The following KCTD5 variants were observed in gnomAD, a reference collection of about 807,000 sequenced individuals.
KCTD5 encodes potassium channel tetramerization domain containing 5.
Under a neutral mutation model 27.9 loss-of-function variants are expected in KCTD5, and 12 were observed. The ratio of observed to expected loss-of-function variants is 0.43; its 90% CI spans 0.28 to 0.70. The LOEUF (loss-of-function observed/expected upper bound fraction) is 0.70. Ranked by LOEUF, KCTD5 falls within the 30% of genes least tolerant of loss-of-function variation. KCTD5 has a pLI of 0.19. For missense variants in KCTD5, 226 were observed against 274.8 expected, an observed-to-expected ratio of 0.82 and a Z score of 1.26; for synonymous variants, 147 against 121.4, an observed-to-expected ratio of 1.21 and a Z score of -1.39.
intron 1 of KCTD5, among the ~76,000 whole-genome samples, chr16:2,688,113 G>A (rs1213188915): frequency 6.6e-6 from 1 of 151,760 alleles, no homozygotes; most frequent in Non-Finnish European, 1.5e-5. Flanking sequence ...GATGACAAAT[G>A]TGATGCCCCC....
At chr16:2,691,333 G>C (rs531916324) in intron 1 of KCTD5, among the ~76,000 whole-genome samples, 1 of 152,356 alleles carries the variant, frequency 6.6e-6, no homozygotes, top group South Asian at 2.1e-4. Flanking sequence ...CCACCAGTTA[G>C]AAGGAACCCA....
At position 2,688,404 on chromosome 16, in the gene KCTD5, C is replaced by T. The variant is rs551798924; in HGVS notation, c.252+5604C>T. ...TAGCTGGGATTACAGGCACGAGCCA[C>T]CATGTCTGGCTGATTTTTGTATAGT... On this transcript the variant is annotated intron_variant, in intron 1 of 5. Coordinates refer to ENST00000301738, the MANE Select transcript of KCTD5 (RefSeq NM_018992.4). 1.4e-4 allele frequency among the ~76,000 whole-genome samples: 22 copies of T among 151,896 alleles called. No individual in the cohort carries two copies. The South Asian group carries it at 1.9e-3, about 13-fold the overall frequency.
intron 2 of KCTD5, 69 bp from the exon 3 acceptor site, chr16:2,697,837 T>G: frequency 5.5e-6 from 6 of 1,086,902 alleles, no homozygotes; most frequent in East Asian, 2.4e-5. Flanking sequence ...AGGGCAGGGG[T>G]GGGTGTAAAG....
At position 2,708,455 on chromosome 16, in the gene KCTD5, C is replaced by G. The variant is rs1567197592; in HGVS notation, c.*1128C>G. On this transcript the variant is annotated 3_prime_UTR_variant, in exon 6 of 6. Coordinates refer to ENST00000301738, the MANE Select transcript of KCTD5 (RefSeq NM_018992.4). ...GCTGGCTGTGGGGACCTGTCAGAGT[C>G]TGGGGACTCGGCGTGCAGGGCGGGC... 1 of 152,492 alleles carries G rather than the reference C, an allele frequency of 6.6e-6. No homozygotes were observed. Among genetic ancestry groups the G allele is most frequent in the Non-Finnish European group, 1.5e-5 (1 of 68,074 alleles). 9.4% of individuals were successfully genotyped at this position (152,492 alleles called of 1,614,324 possible).
rs374248087 is a variant in KCTD5 at position 2,682,609 on chromosome 16, G to A, written c.61G>A (p.Gly21Arg). The A allele has an allele frequency of 1.3e-5, 20 of 1,524,444 alleles. No individual in the cohort carries two copies. In the African/African-American group the frequency reaches 2.7e-4, roughly 21 times the overall value. The allele number at this position is 1,524,444 out of a possible 1,614,324, so 94.4% of individuals were successfully genotyped here. ...CCGGGGCGGCATCGGGGCGGGGCTG[G>A]GGGGCGGCCTGTGCCGCCGCTGCAG... ...PARGGIGAGL[G>R]GGLCRRCSAG... The change falls in exon 1 of 6, where the codon GGG (glycine) becomes AGG (arginine). Residue 21 changes from glycine to arginine, a missense_variant. Gly to Arg is a moderately radical substitution (Grantham distance 125). Coordinates refer to ENST00000301738, the MANE Select transcript of KCTD5 (RefSeq NM_018992.4).
chr16:2,703,663 C>T lies in KCTD5; in HGVS notation c.675+1185C>T, dbSNP rs548902841. Among the ~76,000 whole-genome samples, 28 of 152,354 alleles carry T rather than the reference C, an allele frequency of 1.8e-4. No individual in the cohort carries two copies. The South Asian group carries it at 5.8e-3, about 32-fold the overall frequency. On this transcript the variant is annotated intron_variant, in intron 5 of 5. Coordinates refer to ENST00000301738, the MANE Select transcript of KCTD5 (RefSeq NM_018992.4). ...CTGCGGCCAGCTCACGGCAGCCTTTCCACCTCAGGCGACTGTCCTGGCCCA... is the reference window on the plus strand; with the variant it reads ...CTGCGGCCAGCTCACGGCAGCCTTTTCACCTCAGGCGACTGTCCTGGCCCA...
At chr16:2,703,321 AGAGCTCTTG>A (rs2067620965) in intron 5 of KCTD5, among the ~76,000 whole-genome samples, 2 of 152,026 alleles carry the variant, frequency 1.3e-5, no homozygotes, top group South Asian at 4.1e-4. Flanking sequence ...TGGTGGCTGG[AGAGCTCTTG>A]GCTGGGGTCT....
intron 1 of KCTD5, among the ~76,000 whole-genome samples, chr16:2,688,224 AATAAATAT>A (rs1287189087): frequency 1.3e-5 from 1 of 79,650 alleles, no homozygotes; most frequent in Admixed American, 1.6e-4. Flanking sequence ...TAAATAAATA[AATAAATAT>A]ATATATATAT....
At chr16:2,685,234 T>C (rs1312605809) in intron 1 of KCTD5, among the ~76,000 whole-genome samples, 2 of 151,620 alleles carry the variant, frequency 1.3e-5, no homozygotes, top group Admixed American at 1.3e-4. Flanking sequence ...GAGAGCAGCC[T>C]GGCCAGCATG....
At chr16:2,693,444 C>T (rs1044704832) in intron 1 of KCTD5, among the ~76,000 whole-genome samples, 9 of 152,206 alleles carry the variant, frequency 5.9e-5, no homozygotes, top group South Asian at 4.1e-4. Context: ...AAGCCAGCCC[C>T]GCCCAGTGGT....
At chr16:2,698,534 C>G (rs1200011897) in intron 3 of KCTD5, among the ~76,000 whole-genome samples, 3 of 152,238 alleles carry the variant, frequency 2.0e-5, no homozygotes, top group Non-Finnish European at 4.4e-5. Context: ...CCCAGTACCT[C>G]CTGTGGAGGG....
chr16:2,697,585 C>T (rs904405615), intron 2 of KCTD5, among the ~76,000 whole-genome samples: 5 of 152,226 alleles, frequency 3.3e-5, no homozygotes, highest in Admixed American at 6.5e-5. Context: ...CGTAGACATA[C>T]GCTGAGCTGC....
chr16:2,691,354 C>T (rs571583274), intron 1 of KCTD5, among the ~76,000 whole-genome samples: 2 of 152,352 alleles, frequency 1.3e-5, no homozygotes, highest in East Asian at 1.9e-4. Context: ...TGGGAAGAAA[C>T]GGCCGGAGAG....
intron 1 of KCTD5, among the ~76,000 whole-genome samples, chr16:2,687,220 G>A (rs929062354): frequency 2.0e-5 from 3 of 152,174 alleles, no homozygotes; most frequent in Non-Finnish European, 2.9e-5. Context: ...AAAAGGACTC[G>A]ACTCTGGTGA....
chr16:2,707,406 C>A lies in KCTD5; in HGVS notation c.*79C>A. On this transcript the variant is annotated 3_prime_UTR_variant, in exon 6 of 6. Transcript: ENST00000301738. ...GAACTGCCATGTCCAGGAAGCTTGG[C>A]TGTGAGAAGAAACCTGCTTTTGATC... is the stretch of plus-strand genomic sequence containing the variant. The A allele has an allele frequency of 7.0e-7, 1 of 1,430,912 alleles. No homozygotes were observed. The highest frequency in any genetic ancestry group is 9.9e-7 in the Non-Finnish European group (1 of 1,012,974). The allele number at this position is 1,430,912 out of a possible 1,614,324, so 88.6% of individuals were successfully genotyped here.
At position 2,704,210 on chromosome 16, in the gene KCTD5, C is replaced by T. The variant is rs182199250; in HGVS notation, c.675+1732C>T. Among the ~76,000 whole-genome samples, 14 of 152,326 alleles carry T rather than the reference C, an allele frequency of 9.2e-5. No homozygotes were observed. In the East Asian group the frequency reaches 2.7e-3, roughly 29 times the overall value. On this transcript the variant is annotated intron_variant, in intron 5 of 5. Transcript: ENST00000301738. ...TGATGGGGGTGGTGTCAGCAGTGCC[C>T]CAGGAGGCAGAGCTCAGGCCAGAGC...
At chr16:2,702,514 T>G in intron 5 of KCTD5, 36 bp downstream of exon 5, 5 of 1,606,352 alleles carry the variant, frequency 3.1e-6, no homozygotes, top group Non-Finnish European at 3.4e-6. Flanking sequence ...GGGGCAGTCT[T>G]GGGTGGGGAA....
In KCTD5 at chr16:2,682,558, A is replaced by G. The variant is rs756854147; in HGVS notation, c.10A>G (p.Asn4Asp). The stretch of plus-strand genomic sequence containing the variant: ...GGGGCTTGCTGGGATCATGGCGGAG[A>G]ATCACTGCGAGCTCCTGTCGCCGGC... MAE[N>D]HCELLSPARG... Residue 4 changes from asparagine to aspartate, a missense_variant, in exon 1 of 6, where the codon AAT (asparagine) becomes GAT (aspartate). Physicochemically the swap from Asn to Asp is conservative, Grantham distance 23. Around this residue, in one of 2 missense-constraint regions of KCTD5, gnomAD observed 91 missense variants for 67.8 expected, o/e 1.34. Coordinates refer to ENST00000301738, the MANE Select transcript of KCTD5 (RefSeq NM_018992.4). 15 of 1,408,380 alleles carry G rather than the reference A, an allele frequency of 1.1e-5. No individual in the cohort carries two copies. The highest frequency in any genetic ancestry group is 7.5e-5 in the African/African-American group (5 of 66,754). 87.2% of individuals were successfully genotyped at this position (1,408,380 alleles called of 1,614,324 possible).
Position 2,693,278 on chromosome 16 carries a change from C to T in KCTD5, c.253-2657C>T, listed in dbSNP as rs1262112451. 2.6e-5 allele frequency among the ~76,000 whole-genome samples: 4 copies of T among 152,242 alleles called. No homozygotes were observed. In the South Asian group the frequency reaches 6.2e-4, roughly 24 times the overall value. ...TCTGTTCGCCTCCTCCCTGTTCCCT[C>T]CCTGCAGCGGCAGGTATCACGTGAT... On this transcript the variant is annotated intron_variant, in intron 1 of 5. Coordinates refer to ENST00000301738, the MANE Select transcript of KCTD5 (RefSeq NM_018992.4).
Sources: allele counts gnomAD v4.1 joint callset (sites outside exome capture counted in the v4.1 genomes callset), GRCh38; gene constraint gnomAD v4.1.1; regional missense constraint gnomAD v4.1.1; transcripts MANE v1.5; gene names NCBI Gene and HGNC (gene_info 2026-07-23, HGNC 2026-07-21).